TTC27: variants seen among roughly 807,000 people sequenced by gnomAD.
TTC27 encodes tetratricopeptide repeat domain 27, also known as tetratricopeptide repeat protein 27.
Under a neutral mutation model 115.9 loss-of-function variants are expected in TTC27, and 79 were observed. The observed-to-expected ratio is 0.68, with a 90% confidence interval of 0.57 to 0.82. The LOEUF is 0.82. Among genes scored for constraint, TTC27 ranks in the 40% least tolerant of loss-of-function variants. The pLI, the probability that TTC27 is intolerant of heterozygous loss-of-function variation, is 0.00. For missense variants in TTC27, 1,054 were observed against 993.1 expected (o/e 1.06, Z -0.82); for synonymous variants, 401 against 356.0 (o/e 1.13, Z -1.42).
chr2:32,778,042 A>T, intron 14 of TTC27, 62 bp downstream of exon 14: 1 of 1,526,600 alleles, frequency 6.6e-7, no homozygotes, highest in Admixed American at 1.7e-5. Flanking sequence ...TTGAAATTGT[A>T]CTGTATGGTT....
chr2:32,654,066 A>G (rs1160927869), intron 5 of TTC27, among the ~76,000 whole-genome samples: 1 of 152,158 alleles, frequency 6.6e-6, no homozygotes, highest in Non-Finnish European at 1.5e-5. Flanking sequence ...TCCTAATCTG[A>G]AATCTTTAGT....
chr2:32,767,835 A>G (rs776064248), intron 13 of TTC27, among the ~76,000 whole-genome samples: 5 of 152,198 alleles, frequency 3.3e-5, no homozygotes, highest in Non-Finnish European at 5.9e-5. Flanking sequence ...TGAGCTTACC[A>G]GGTACATCAG....
chr2:32,807,976 C>A (rs1219952299), intron 16 of TTC27, among the ~76,000 whole-genome samples: 3 of 129,164 alleles, frequency 2.3e-5, no homozygotes, highest in Non-Finnish European at 3.2e-5. Context: ...TCTTGTTATC[C>A]AGGATGGCAT....
chr2:32,810,448 A>C (rs1053167210), intron 16 of TTC27, among the ~76,000 whole-genome samples: 1 of 152,238 alleles, frequency 6.6e-6, no homozygotes, highest in African/African-American at 2.4e-5. Flanking sequence ...AAATCAAATT[A>C]GTAGTTGTGG....
intron 5 of TTC27, among the ~76,000 whole-genome samples, chr2:32,650,622 G>A (rs1476163307): frequency 1.3e-5 from 2 of 151,712 alleles, no homozygotes; most frequent in Non-Finnish European, 2.9e-5. Flanking sequence ...TAACTAACTT[G>A]AGCTGGAGTA....
chr2:32,730,355 G>C (rs1668250712), intron 10 of TTC27, among the ~76,000 whole-genome samples: 1 of 152,168 alleles, frequency 6.6e-6, no homozygotes. Flanking sequence ...GCTGGGGATA[G>C]AACAAGGACA....
At chr2:32,813,156 A>C (rs954735763) in intron 18 of TTC27, among the ~76,000 whole-genome samples, 1 of 152,194 alleles carries the variant, frequency 6.6e-6, no homozygotes, top group East Asian at 1.9e-4. Flanking sequence ...GCTTTTAGTT[A>C]TTAATTTTTA....
In TTC27 at chr2:32,786,974, C is replaced by T; in HGVS notation, c.1833-10C>T. On this transcript the variant is annotated splice_polypyrimidine_tract_variant and intron_variant, in intron 15 of 19. Transcript: ENST00000317907. ...CATTATTGCTCTCTTTAAAATTTGACCTTCAATAGAGTAAAAGCTTTTAGA... is the reference window on the plus strand; with the variant it reads ...CATTATTGCTCTCTTTAAAATTTGATCTTCAATAGAGTAAAAGCTTTTAGA... The T allele has an allele frequency of 6.3e-7, 1 of 1,596,428 alleles. No individual in the cohort carries two copies.
At chr2:32,736,648 C>G (rs1668460964) in intron 11 of TTC27, 46 bp from the exon 12 acceptor site, 1 of 1,611,118 alleles carries the variant, frequency 6.2e-7, no homozygotes, top group East Asian at 2.2e-5. Context: ...ACAGGAATCT[C>G]TTTTTACACC....
At chr2:32,660,575 C>T (rs986707163) in intron 5 of TTC27, among the ~76,000 whole-genome samples, 3 of 151,562 alleles carry the variant, frequency 2.0e-5, no homozygotes, top group African/African-American at 7.3e-5. Flanking sequence ...GGGAGGGGAA[C>T]ATCATGGGGG....
chr2:32,750,920 A>G (rs1007876658), intron 12 of TTC27, among the ~76,000 whole-genome samples: 8 of 152,218 alleles, frequency 5.3e-5, no homozygotes, highest in African/African-American at 1.4e-4. Flanking sequence ...TTTTGTTAGC[A>G]TGATGTCATC....
intron 7 of TTC27, among the ~76,000 whole-genome samples, chr2:32,670,616 T>C (rs74361969): frequency 6.6e-6 from 1 of 151,788 alleles, no homozygotes; most frequent in Non-Finnish European, 1.5e-5. Flanking sequence ...TTTTTTTTTT[T>C]CTCTTCTTTT....
chr2:32,723,971 C>CTTTTTTTTTTTTTTTT lies in TTC27; in HGVS notation c.1234-9855_1234-9840dup, dbSNP rs36120062. 8.0e-4 allele frequency among the ~76,000 whole-genome samples: 74 copies of CTTTTTTTTTTTTTTTT among 92,434 alleles called. 11 individuals are homozygous for CTTTTTTTTTTTTTTTT. Among genetic ancestry groups the CTTTTTTTTTTTTTTTT allele is most frequent in the African/African-American group, 1.9e-3 (45 of 24,042 alleles). 60.6% of individuals were successfully genotyped at this position (92,434 alleles called of 152,430 possible). ...TGAGCCACCAGCTGGCATACATAAG[C>CTTTTTTTTTTTTTTTT]TTTTTTTTTTTTTTTTTATAGAAAG... On this transcript the variant is annotated intron_variant, in intron 10 of 19. Transcript: ENST00000317907.
chr2:32,768,373 T>C (rs1275088050), intron 13 of TTC27, among the ~76,000 whole-genome samples: 1 of 152,244 alleles, frequency 6.6e-6, no homozygotes, highest in Non-Finnish European at 1.5e-5. Flanking sequence ...TTAAACCGTG[T>C]AATTTAAATT....
At chr2:32,709,771 C>T (rs1572536983) in intron 10 of TTC27, among the ~76,000 whole-genome samples, 2 of 152,116 alleles carry the variant, frequency 1.3e-5, no homozygotes, top group Non-Finnish European at 2.9e-5. Flanking sequence ...GTTGTCCCCA[C>T]TCCCACAGCT....
chr2:32,671,665 G>C (rs1045580502), intron 7 of TTC27, among the ~76,000 whole-genome samples: 3 of 152,056 alleles, frequency 2.0e-5, no homozygotes, highest in Admixed American at 6.6e-5. Flanking sequence ...TTTGGTTATT[G>C]TCGATCATTT....
chr2:32,667,333 A>C (rs1290600503), intron 7 of TTC27, among the ~76,000 whole-genome samples: 1 of 151,528 alleles, frequency 6.6e-6, no homozygotes, highest in Non-Finnish European at 1.5e-5. Context: ...CAGTTTACCT[A>C]ATTATAGTCC....
At chr2:32,755,719 CT>C (rs1373332271) in intron 12 of TTC27, among the ~76,000 whole-genome samples, 1 of 152,142 alleles carries the variant, frequency 6.6e-6, no homozygotes, top group African/African-American at 2.4e-5. Context: ...TTGATTTTGG[CT>C]TTTACCTGGT....
chr2:32,703,122 A>T (rs922553687), intron 10 of TTC27, among the ~76,000 whole-genome samples: 6 of 152,188 alleles, frequency 3.9e-5, no homozygotes, highest in Admixed American at 3.9e-4. Flanking sequence ...TGAACTCGGT[A>T]TTTAACCTCT....
Sources: allele counts gnomAD v4.1 joint callset (sites outside exome capture counted in the v4.1 genomes callset), GRCh38; gene constraint gnomAD v4.1.1; transcripts MANE v1.5; gene names NCBI Gene and HGNC (gene_info 2026-07-23, HGNC 2026-07-21).